The following FAXC variants were observed in gnomAD, a reference collection of about 807,000 sequenced individuals.
FAXC encodes failed axon connections homolog.
In FAXC, 10 loss-of-function variants were observed where a neutral mutation model predicts 41.9. That is an observed-to-expected ratio of 0.24 (90% CI 0.15 to 0.41). The LOEUF (loss-of-function observed/expected upper bound fraction) is 0.41. Among genes scored for constraint, FAXC ranks in the 10% least tolerant of loss-of-function variants. The pLI, the probability that FAXC is intolerant of heterozygous loss-of-function variation, is 1.00. For synonymous variants in FAXC, 183 were observed against 183.8 expected, an observed-to-expected ratio of 1.00 and a Z score of 0.03; for missense variants, 399 against 510.9, an observed-to-expected ratio of 0.78 and a Z score of 2.11.
At chr6:99,337,151 T>C (rs1017058552) in intron 2 of FAXC, among the ~76,000 whole-genome samples, 1 of 152,030 alleles carries the variant, frequency 6.6e-6, no homozygotes, top group Non-Finnish European at 1.5e-5. Flanking sequence ...TTCACAAATG[T>C]AGATGTAAAG....
chr6:99,274,848 C>T lies in FAXC; in HGVS notation c.*6316G>A, dbSNP rs944940183. On this transcript the variant is annotated 3_prime_UTR_variant, in exon 6 of 6. Coordinates refer to ENST00000389677, the MANE Select transcript of FAXC (RefSeq NM_032511.4). ...ATCTCTTGTAGAAGAGAAGCAAATA[C>T]GAAAGAACATTTCTGATTCTGAACA... 2.6e-5 allele frequency: 4 copies of T among 152,052 alleles called. No homozygotes were observed. The highest frequency in any genetic ancestry group is 4.8e-5 in the African/African-American group (2 of 41,402). 9.4% of individuals were successfully genotyped at this position (152,052 alleles called of 1,614,324 possible).
intron 4 of FAXC, among the ~76,000 whole-genome samples, chr6:99,299,514 T>C (rs371744110): frequency 1.3e-5 from 2 of 152,244 alleles, no homozygotes; most frequent in Admixed American, 6.5e-5. Flanking sequence ...CAGGCAATTA[T>C]AGTAAAATCA....
At chr6:99,291,903 C>T (rs1181120078) in intron 4 of FAXC, 83 bp from the exon 5 acceptor site, 2 of 1,004,608 alleles carry the variant, frequency 2.0e-6, no homozygotes, top group Non-Finnish European at 1.6e-6. Flanking sequence ...CATTCTATTA[C>T]ATATTCCTTT....
intron 5 of FAXC, among the ~76,000 whole-genome samples, chr6:99,281,850 C>T (rs150002107): frequency 6.6e-4 from 100 of 152,376 alleles, no homozygotes; most frequent in Non-Finnish European, 1.3e-3. Flanking sequence ...AAATACATTC[C>T]TCTTGTTTAC....
intron 2 of FAXC, among the ~76,000 whole-genome samples, chr6:99,337,385 A>C (rs879447239): frequency 2.0e-5 from 3 of 152,214 alleles, no homozygotes; most frequent in Non-Finnish European, 4.4e-5. Flanking sequence ...ACTTAAAAAG[A>C]ATTCTTTTGT....
chr6:99,326,514 G>A (rs1772809287), intron 3 of FAXC, among the ~76,000 whole-genome samples: 1 of 152,084 alleles, frequency 6.6e-6, no homozygotes, highest in Non-Finnish European at 1.5e-5. Flanking sequence ...GCATTTGAAG[G>A]TCCCATGGAA....
At position 99,277,035 on chromosome 6, in the gene FAXC, G is replaced by GA; in HGVS notation, c.*4128dup. On this transcript the variant is annotated 3_prime_UTR_variant, in exon 6 of 6. Coordinates refer to ENST00000389677, the MANE Select transcript of FAXC (RefSeq NM_032511.4). ...AAGTCAGACCTTGAGAGATGGGCAT[G>GA]ACTTGGGCCAGTGGAGCAGAGAATA... 6.6e-6 allele frequency: 1 copy of GA among 152,298 alleles called. No homozygotes were observed. The highest frequency in any genetic ancestry group is 1.5e-5 in the Non-Finnish European group (1 of 68,096). 9.4% of individuals were successfully genotyped at this position (152,298 alleles called of 1,614,324 possible).
At position 99,349,406 on chromosome 6, in the gene FAXC, G is replaced by A. The variant is rs763031836; in HGVS notation, c.-34C>T. On this transcript the variant is annotated 5_prime_UTR_variant, in exon 1 of 6. Transcript: ENST00000389677. ...GCTGGCTCCGGGCGCCCCTCCCAGG[G>A]CCCGCGCCGCCCGCATGGGAAGGGG... 4.6e-6 allele frequency: 7 copies of A among 1,523,650 alleles called. No individual in the cohort carries two copies. Among genetic ancestry groups the A allele is most frequent in the African/African-American group, 4.2e-5 (3 of 71,200 alleles). The allele number at this position is 1,523,650 out of a possible 1,614,324, so 94.4% of individuals were successfully genotyped here.
rs1366896227 is a variant in FAXC at position 99,273,847 on chromosome 6, C to G, written c.*7317G>C. 6.6e-6 allele frequency: 1 copy of G among 151,874 alleles called. No individual in the cohort carries two copies. The highest frequency in any genetic ancestry group is 1.5e-5 in the Non-Finnish European group (1 of 68,010). 9.4% of individuals were successfully genotyped at this position (151,874 alleles called of 1,614,324 possible). ...TTGCTATGGTTTTTAATGTTTACATCAGTAAAACAGTATATACATATATAG... is the reference window on the plus strand; with the variant it reads ...TTGCTATGGTTTTTAATGTTTACATGAGTAAAACAGTATATACATATATAG... On this transcript the variant is annotated 3_prime_UTR_variant, in exon 6 of 6. Coordinates refer to ENST00000389677, the MANE Select transcript of FAXC (RefSeq NM_032511.4).
intron 4 of FAXC, among the ~76,000 whole-genome samples, chr6:99,318,184 G>A (rs369343581): frequency 7.3e-5 from 11 of 151,714 alleles, no homozygotes; most frequent in Admixed American, 7.2e-4. Flanking sequence ...GCGTGAACCC[G>A]GGAGGCGGAG....
At chr6:99,339,395 C>T (rs566132472) in intron 2 of FAXC, among the ~76,000 whole-genome samples, 1 of 152,310 alleles carries the variant, frequency 6.6e-6, no homozygotes, top group Non-Finnish European at 1.5e-5. Flanking sequence ...GGACCTGTGG[C>T]CTGGGCTTTA....
chr6:99,337,876 A>C (rs1437832218), intron 2 of FAXC, among the ~76,000 whole-genome samples: 1 of 152,206 alleles, frequency 6.6e-6, no homozygotes, highest in African/African-American at 2.4e-5. Flanking sequence ...AAAATTCAAG[A>C]GCTTCTAATA....
intron 4 of FAXC, among the ~76,000 whole-genome samples, chr6:99,305,178 C>A (rs1771871685): frequency 6.6e-6 from 1 of 152,120 alleles, no homozygotes; most frequent in Admixed American, 6.6e-5. Context: ...AACTGAGAGC[C>A]TACAGTTCTA....
intron 4 of FAXC, among the ~76,000 whole-genome samples, chr6:99,308,113 A>G (rs1392751686): frequency 6.6e-6 from 1 of 152,152 alleles, no homozygotes; most frequent in African/African-American, 2.4e-5. Context: ...CCTGGCCAAC[A>G]TGGTGAAACC....
At chr6:99,323,415 A>G in intron 4 of FAXC, 29 bp downstream of exon 4, 1 of 1,562,702 alleles carries the variant, frequency 6.4e-7, no homozygotes, top group South Asian at 1.1e-5. Flanking sequence ...AGAATAGCAA[A>G]TATAGAAATA....
intron 1 of FAXC, among the ~76,000 whole-genome samples, chr6:99,345,109 T>C (rs779657251): frequency 6.6e-6 from 1 of 152,172 alleles, no homozygotes; most frequent in Non-Finnish European, 1.5e-5. Context: ...CAATTTAAGA[T>C]TGACTCTGAA....
chr6:99,314,931 C>T (rs1772283902), intron 4 of FAXC, among the ~76,000 whole-genome samples: 1 of 152,056 alleles, frequency 6.6e-6, no homozygotes, highest in Non-Finnish European at 1.5e-5. Context: ...TTTCAGAATG[C>T]TGCTTAAATA....
chr6:99,344,802 CA>C (rs1773537229), intron 1 of FAXC, among the ~76,000 whole-genome samples: 2 of 152,220 alleles, frequency 1.3e-5, no homozygotes, highest in South Asian at 4.1e-4. Flanking sequence ...TTAACAGACA[CA>C]AATTTCAGAA....
intron 4 of FAXC, among the ~76,000 whole-genome samples, chr6:99,316,339 C>T (rs1036748552): frequency 6.6e-6 from 1 of 152,218 alleles, no homozygotes; most frequent in African/African-American, 2.4e-5. Context: ...CCAAGGCACA[C>T]TCCCCAGAGG....
Sources: allele counts gnomAD v4.1 joint callset (sites outside exome capture counted in the v4.1 genomes callset), GRCh38; gene constraint gnomAD v4.1.1; transcripts MANE v1.5; gene names NCBI Gene and HGNC (gene_info 2026-07-23, HGNC 2026-07-21).